The following CRYBA4 variants were observed in gnomAD, a reference collection of about 807,000 sequenced individuals.
CRYBA4 encodes the protein beta-crystallin A4.
Under a neutral mutation model 31.7 loss-of-function variants are expected in CRYBA4, and 30 were observed. The observed-to-expected ratio is 0.95, with a 90% CI of 0.71 to 1.28. CRYBA4 has a LOEUF of 1.28. Ranked by LOEUF, CRYBA4 falls within the 50% of genes most tolerant of loss-of-function variation. The pLI is 0.00. For missense variants in CRYBA4, 225 were observed against 260.7 expected, an observed-to-expected ratio of 0.86 and a Z score of 0.94; for synonymous variants, 102 against 102.3, an observed-to-expected ratio of 1.00 and a Z score of 0.02.
At chr22:26,602,084 G>T in the CRYBA4 span, 1 of 1,598,332 alleles carries the variant, frequency 6.3e-7, no homozygotes, top group Non-Finnish European at 8.5e-7. Context: ...AAGAAACTTA[G>T]CGGGGCCTTC....
chr22:26,598,103 G>A, the CRYBA4 span, among the ~76,000 whole-genome samples: 1 of 151,428 alleles, frequency 6.6e-6, no homozygotes, highest in African/African-American at 2.4e-5. Context: ...GGCTGGTCTC[G>A]AACTCCTGAC....
chr22:26,601,884 A>G, the CRYBA4 span: 2 of 1,611,902 alleles, frequency 1.2e-6, no homozygotes, highest in South Asian at 1.1e-5. Flanking sequence ...CTTACGTTCC[A>G]CTGGAGACCT....
At chr22:26,616,243 G>A in the CRYBA4 span, 1 of 1,613,828 alleles carries the variant, frequency 6.2e-7, no homozygotes, top group African/African-American at 1.3e-5. Flanking sequence ...TGCAGGTGGG[G>A]CCCCCTTCCC....
At chr22:26,616,318 A>G in the CRYBA4 span, 1 of 1,613,158 alleles carries the variant, frequency 6.2e-7, no homozygotes, top group Non-Finnish European at 8.5e-7. Context: ...AGCCTGAGAC[A>G]TGGTTCCCGC....
At chr22:26,620,373 T>C (rs899282672), upstream of CRYBA4, among the ~76,000 whole-genome samples, 2 of 152,102 alleles carry the variant, frequency 1.3e-5, no homozygotes, top group Admixed American at 6.6e-5. Context: ...CTTAGACTAA[T>C]CCCAACTTAC....
upstream of CRYBA4, among the ~76,000 whole-genome samples, chr22:26,619,131 G>A (rs567902274): frequency 7.0e-4 from 107 of 152,278 alleles, no homozygotes; most frequent in African/African-American, 2.5e-3. Flanking sequence ...CCAATGGATC[G>A]GAACAGAAGG....
chr22:26,610,626 C>T, the CRYBA4 span, among the ~76,000 whole-genome samples: 21 of 152,132 alleles, frequency 1.4e-4, no homozygotes, highest in African/African-American at 4.8e-4. Context: ...GAAATGGTCC[C>T]GGGTAGCCTC....
chr22:26,612,133 A>G, the CRYBA4 span: 2 of 1,613,176 alleles, frequency 1.2e-6, no homozygotes, highest in Non-Finnish European at 1.7e-6. Flanking sequence ...AGATTTGAGC[A>G]CTCCCCCGAG....
chr22:26,594,195 C>A, the CRYBA4 span, among the ~76,000 whole-genome samples: 2 of 152,218 alleles, frequency 1.3e-5, no homozygotes, highest in African/African-American at 2.4e-5. Context: ...TCCTAAGTAT[C>A]TGACCCAGGC....
chr22:26,602,108 A>G, the CRYBA4 span: 3 of 1,540,528 alleles, frequency 1.9e-6, no homozygotes, highest in Non-Finnish European at 2.7e-6. Flanking sequence ...GTGTGGAGCG[A>G]GAGAGATGAG....
chr22:26,620,554 T>A (rs1306666792), upstream of CRYBA4, among the ~76,000 whole-genome samples: 1 of 136,572 alleles, frequency 7.3e-6, no homozygotes, highest in Admixed American at 8.6e-5. Context: ...AGTCATGCAT[T>A]CCTTTTTTTT....
chr22:26,599,775 G>A, the CRYBA4 span: 17 of 895,150 alleles, frequency 1.9e-5, no homozygotes, highest in Admixed American at 9.7e-5. Flanking sequence ...CCCTGCAGTC[G>A]GCTGCTCTCT....
the CRYBA4 span, among the ~76,000 whole-genome samples, chr22:26,610,404 G>A: frequency 2.2e-3 from 336 of 152,050 alleles, 1 homozygote; most frequent in African/African-American, 7.4e-3. Context: ...CCACAGGCCC[G>A]TTTCCATGCC....
chr22:26,627,359 C>CCCTTCTTTCTTT lies in CRYBA4; in HGVS notation c.301-928_301-927insCTTCTTTCTTTC, dbSNP rs1404229613. Among the ~76,000 whole-genome samples the CCCTTCTTTCTTT allele has an allele frequency of 6.2e-4, 26 of 41,862 alleles. 1 individual carries two copies. Among genetic ancestry groups the CCCTTCTTTCTTT allele is most frequent in the South Asian group, 1.4e-3 (1 of 704 alleles). The allele number at this position is 41,862 out of a possible 152,430, so 27.5% of individuals were successfully genotyped here. ...CCCCTCCCTCCCTCCCTCCCTCCCTCCTTTCTTTCTTTCTTTCTTTCTTTC... is the reference window on the plus strand; with the variant it reads ...CCCCTCCCTCCCTCCCTCCCTCCCTCCCTTCTTTCTTTCTTTCTTTCTTTCTTTCTTTCTTTC... On this transcript the variant is annotated intron_variant, in intron 4 of 5. Transcript: ENST00000354760.
chr22:26,594,254 A>G, the CRYBA4 span, among the ~76,000 whole-genome samples: 1 of 152,104 alleles, frequency 6.6e-6, no homozygotes, highest in Non-Finnish European at 1.5e-5. Context: ...TCTCTTTAGA[A>G]CCTCTGCAGG....
At chr22:26,602,208 C>T in the CRYBA4 span, among the ~76,000 whole-genome samples, 1 of 152,124 alleles carries the variant, frequency 6.6e-6, no homozygotes, top group Admixed American at 6.6e-5. Flanking sequence ...ACTCCCACGT[C>T]ATAGGGTCCT....
At position 26,622,568 on chromosome 22, in the gene CRYBA4, GTTC is replaced by G; in HGVS notation, c.-12-12_-12-10del. 6.2e-7 allele frequency: 1 copy of G among 1,606,360 alleles called. No individual in the cohort carries two copies. Among genetic ancestry groups the G allele is most frequent in the South Asian group, 1.1e-5 (1 of 90,974 alleles). On this transcript the variant is annotated splice_polypyrimidine_tract_variant and intron_variant, in intron 1 of 5. Transcript: ENST00000354760. Reference sequence around the variant, plus strand: ...GAGGGTCAGGGTGGAAGATTATAATGTTCTTCTCTTCTGCAGGAAGGGGCCACA... The same window carrying G: ...GAGGGTCAGGGTGGAAGATTATAATGTTCTCTTCTGCAGGAAGGGGCCACA...
Position 26,625,569 on chromosome 22 carries a change from A to T in CRYBA4, c.247A>T (p.Asn83Tyr), listed in dbSNP as rs1929678147. The change falls in exon 4 of 6, where the codon AAC becomes TAC. Residue 83 changes from asparagine (N) to tyrosine (Y), a missense_variant. By Grantham distance (143) the Asn-to-Tyr change is moderately radical. Transcript: ENST00000354760. ...EYPSWDAWGG[N>Y]TAYPAERLTS... ...TCCAAGCTGGGATGCCTGGGGCGGC[A>T]ACACGGCCTACCCCGCCGAGAGGCT... 6.2e-7 allele frequency: 1 copy of T among 1,613,858 alleles called. No homozygotes were observed. Among genetic ancestry groups the T allele is most frequent in the Admixed American group, 1.7e-5 (1 of 59,992 alleles).
At chr22:26,602,151 C>T in the CRYBA4 span, 1 of 1,141,254 alleles carries the variant, frequency 8.8e-7, no homozygotes, top group Non-Finnish European at 1.3e-6. Context: ...TCTCCAGGGA[C>T]CACTGCTGTC....
Sources: allele counts gnomAD v4.1 joint callset (sites outside exome capture counted in the v4.1 genomes callset), GRCh38; gene constraint gnomAD v4.1.1; transcripts MANE v1.5; gene names NCBI Gene and HGNC (gene_info 2026-07-23, HGNC 2026-07-21).